CPNE4: variants seen among roughly 807,000 people sequenced by gnomAD.
CPNE4 encodes copine-4.
Under a neutral mutation model 67.9 loss-of-function variants are expected in CPNE4, and 25 were observed. The ratio of observed to expected loss-of-function variants is 0.37; its 90% CI spans 0.27 to 0.51. The LOEUF is 0.51. CPNE4 is among the 20% of genes least tolerant of loss of function. CPNE4 has a pLI of 0.93. For synonymous variants in CPNE4, 242 were observed against 244.9 expected (o/e 0.99, Z 0.11); for missense variants, 464 against 690.8 (o/e 0.67, Z 3.68).
At chr3:131,712,310 A>C (rs1407251698) in intron 3 of CPNE4, among the ~76,000 whole-genome samples, 3 of 152,246 alleles carry the variant, frequency 2.0e-5, no homozygotes, top group Non-Finnish European at 4.4e-5. Context: ...ATAATCCCAC[A>C]ACCTAGATGT....
chr3:131,801,372 C>CAT (rs201764210), intron 2 of CPNE4, among the ~76,000 whole-genome samples: 59 of 86,222 alleles, frequency 6.8e-4, no homozygotes, highest in South Asian at 1.6e-3. Context: ...ATATATGTAC[C>CAT]ATATATATAT....
At position 131,909,458 on chromosome 3, in the gene CPNE4, C is replaced by T. The variant is rs371828901; in HGVS notation, c.-1-4014G>A. 2.0e-5 allele frequency among the ~76,000 whole-genome samples: 3 copies of T among 152,260 alleles called. No homozygotes were observed. In the South Asian group the frequency reaches 6.2e-4, roughly 32 times the overall value. ...AGGGGTCAATTGTCTCATCCTCCCT[C>T]ATTTATTCATTTCCAGGTTGTTACA... On this transcript the variant is annotated intron_variant, in intron 1 of 15. Coordinates refer to ENST00000429747, the MANE Select transcript of CPNE4 (RefSeq NM_130808.3).
chr3:131,606,496 C>A (rs1276411128), intron 7 of CPNE4, among the ~76,000 whole-genome samples: 2 of 152,204 alleles, frequency 1.3e-5, no homozygotes, highest in African/African-American at 4.8e-5. Flanking sequence ...ACTCAGACAT[C>A]TAGCCAGATT....
chr3:131,999,044 T>A (rs2073362822), intron 1 of CPNE4, among the ~76,000 whole-genome samples: 1 of 151,786 alleles, frequency 6.6e-6, no homozygotes, highest in African/African-American at 2.4e-5. Context: ...GGCTAAGATT[T>A]GAGGGGCATG....
Position 132,016,202 on chromosome 3 carries a change from C to G in CPNE4, c.-2+18365G>C, listed in dbSNP as rs537103580. Among the ~76,000 whole-genome samples, 5 of 152,260 alleles carry G rather than the reference C, an allele frequency of 3.3e-5. No homozygotes were observed. In the East Asian group the frequency reaches 9.7e-4, roughly 29 times the overall value. On this transcript the variant is annotated intron_variant, in intron 1 of 15. Coordinates refer to ENST00000429747, the MANE Select transcript of CPNE4 (RefSeq NM_130808.3). ...CTGGATTGAACTCAATCATACTAGA[C>G]CACTTAACCTAGGAATTCCAAACGA...
intron 2 of CPNE4, 114 bp downstream of exon 2, chr3:131,905,150 A>G (rs979329661): frequency 1.8e-5 from 16 of 904,744 alleles, no homozygotes; most frequent in African/African-American, 1.0e-4. Context: ...GATCATATTC[A>G]CTTCTCAAAT....
chr3:131,882,600 C>G (rs2087720602), intron 2 of CPNE4, among the ~76,000 whole-genome samples: 2 of 138,664 alleles, frequency 1.4e-5, no homozygotes, highest in Admixed American at 7.3e-5. Context: ...TGATGCCTAA[C>G]AGCTATATAA....
chr3:132,021,322 T>C (rs1363985487), intron 1 of CPNE4, among the ~76,000 whole-genome samples: 1 of 152,226 alleles, frequency 6.6e-6, no homozygotes, highest in Non-Finnish European at 1.5e-5. Flanking sequence ...ATCCTCACAA[T>C]GCATAGCAAC....
chr3:132,007,136 A>C (rs1207842094), intron 1 of CPNE4, among the ~76,000 whole-genome samples: 1 of 152,116 alleles, frequency 6.6e-6, no homozygotes, highest in Non-Finnish European at 1.5e-5. Context: ...AGAAATGAGG[A>C]AGAAGAGCTA....
intron 1 of CPNE4, among the ~76,000 whole-genome samples, chr3:131,944,494 G>T (rs902876790): frequency 1.3e-5 from 2 of 152,052 alleles, no homozygotes; most frequent in Admixed American, 6.5e-5. Context: ...CTCCACAACA[G>T]CAGTAGCAGC....
intron 1 of CPNE4, among the ~76,000 whole-genome samples, chr3:132,024,366 G>A (rs2074070850): frequency 6.6e-6 from 1 of 152,140 alleles, no homozygotes; most frequent in East Asian, 1.9e-4. Flanking sequence ...TTACAGGTGT[G>A]AGCCATTGCG....
At chr3:131,560,448 A>G (rs1936701646) in intron 11 of CPNE4, among the ~76,000 whole-genome samples, 2 of 152,056 alleles carry the variant, frequency 1.3e-5, no homozygotes, top group African/African-American at 4.8e-5. Flanking sequence ...ACAAAGCTGA[A>G]GGCCAAATTC....
chr3:131,885,525 A>T (rs1372751676), intron 2 of CPNE4, among the ~76,000 whole-genome samples: 1 of 151,278 alleles, frequency 6.6e-6, no homozygotes, highest in African/African-American at 2.4e-5. Context: ...CATATTTTAA[A>T]TTTTTTTTAA....
At chr3:131,982,281 G>A (rs2072927401) in intron 1 of CPNE4, among the ~76,000 whole-genome samples, 1 of 152,074 alleles carries the variant, frequency 6.6e-6, no homozygotes, top group Non-Finnish European at 1.5e-5. Flanking sequence ...AAAAATTTAT[G>A]TATATAATTC....
intron 1 of CPNE4, among the ~76,000 whole-genome samples, chr3:131,995,738 C>T (rs2073275156): frequency 6.6e-6 from 1 of 152,202 alleles, no homozygotes; most frequent in African/African-American, 2.4e-5. Context: ...CTACATAGTA[C>T]ATGATGACTA....
chr3:131,610,024 A>G (rs1244287980), intron 7 of CPNE4, among the ~76,000 whole-genome samples: 1 of 152,166 alleles, frequency 6.6e-6, no homozygotes. Flanking sequence ...ATAATGTTTT[A>G]CCAAGATTCG....
intron 1 of CPNE4, among the ~76,000 whole-genome samples, chr3:131,940,504 C>G (rs975034504): frequency 3.3e-5 from 5 of 152,024 alleles, no homozygotes; most frequent in African/African-American, 1.2e-4. Flanking sequence ...TACATGAACT[C>G]TGGTACATAT....
intron 1 of CPNE4, among the ~76,000 whole-genome samples, chr3:131,968,177 C>A (rs2072403473): frequency 6.6e-6 from 1 of 152,058 alleles, no homozygotes; most frequent in Non-Finnish European, 1.5e-5. Flanking sequence ...GAAACTGGAC[C>A]CCTTCCTTAC....
chr3:131,599,274 G>T (rs1352882832), intron 7 of CPNE4, among the ~76,000 whole-genome samples: 1 of 152,202 alleles, frequency 6.6e-6, no homozygotes, highest in African/African-American at 2.4e-5. Context: ...TTTGGAGGTT[G>T]TGACTTGAAT....
Sources: gnomAD v4.1 joint callset for allele counts (sites outside exome capture counted in the v4.1 genomes callset) on GRCh38, gnomAD v4.1.1 for gene constraint, MANE v1.5 for transcripts, NCBI Gene and HGNC (gene_info 2026-07-23, HGNC 2026-07-21) for gene names.